Variants in HABP2 observed in about 807,000 individuals in gnomAD.
The protein encoded by HABP2 is factor VII-activating protease.
A neutral mutation model predicts 66.5 loss-of-function variants in HABP2; 65 were observed. That is an observed-to-expected ratio of 0.98 (90% CI 0.80 to 1.20). The LOEUF is 1.20. Ranked by LOEUF, HABP2 falls within the 50% of genes most tolerant of loss-of-function variation. The probability of loss-of-function intolerance (pLI) is 0.00; values close to 1 mark genes in which losing one functional copy is unlikely to be tolerated. For missense variants in HABP2, 786 were observed against 691.0 expected, an observed-to-expected ratio of 1.14 and a Z score of -1.54; for synonymous variants, 263 against 253.9, an observed-to-expected ratio of 1.04 and a Z score of -0.34.
At chr10:113,587,829 C>A (rs558852870) in intron 12 of HABP2, among the ~76,000 whole-genome samples, 14 of 152,190 alleles carry the variant, frequency 9.2e-5, no homozygotes, top group Admixed American at 5.9e-4. Flanking sequence ...CCCAGGAGAT[C>A]TAACCCCATA....
intron 10 of HABP2, among the ~76,000 whole-genome samples, chr10:113,583,756 C>T (rs1564680953): frequency 6.6e-6 from 1 of 152,204 alleles, no homozygotes; most frequent in Non-Finnish European, 1.5e-5. Context: ...TGCCTGGCCC[C>T]TAGCCCCTGG....
rs917791762 is a variant in HABP2 at position 113,571,203 on chromosome 10, C to T, written c.107-3086C>T. 2.6e-5 allele frequency among the ~76,000 whole-genome samples: 4 copies of T among 152,204 alleles called. No homozygotes were observed. In the South Asian group the frequency reaches 6.2e-4, roughly 24 times the overall value. ...GCTGGGCAGTTCTTCTGGGCTGCAT[C>T]GGGCTCAGTTGATCTTGACTGGGCT... On this transcript the variant is annotated intron_variant, in intron 2 of 12. Coordinates refer to ENST00000351270, the MANE Select transcript of HABP2 (RefSeq NM_004132.5).
In HABP2 at chr10:113,589,076, C is replaced by G. The variant is rs150551078; in HGVS notation, c.*707C>G. The G allele has an allele frequency of 2.1e-5, 34 of 1,613,578 alleles. No homozygotes were observed. The highest frequency in any genetic ancestry group is 1.3e-4 in the South Asian group (12 of 91,026). On this transcript the variant is annotated 3_prime_UTR_variant, in exon 13 of 13. Transcript: ENST00000351270. ...TCTCCAGCCTCCACTGCTTCTGCCC[C>G]CCGCTGCTGAAATCAAACATACCCC...
chr10:113,562,705 A>G (rs1337379985), intron 1 of HABP2, among the ~76,000 whole-genome samples: 5 of 152,312 alleles, frequency 3.3e-5, no homozygotes, highest in East Asian at 1.9e-4. Context: ...TCGGCCTCCC[A>G]AAGTGTTGGG....
chr10:113,580,112 A>G (rs1313224620), intron 7 of HABP2, among the ~76,000 whole-genome samples: 1 of 133,296 alleles, frequency 7.5e-6, no homozygotes, highest in East Asian at 2.5e-4. Context: ...AAACACTAGT[A>G]CTTTCCACTT....
intron 4 of HABP2, 59 bp from the exon 5 acceptor site, chr10:113,577,091 T>C: frequency 1.1e-6 from 1 of 917,748 alleles, no homozygotes; most frequent in African/African-American, 1.6e-5. Flanking sequence ...GTTTTATACA[T>C]GTATCCCTCT....
Position 113,588,203 on chromosome 10 carries a change from A to T in HABP2, c.1519-2A>T. 6.2e-7 allele frequency: 1 copy of T among 1,600,272 alleles called. No homozygotes were observed. The highest frequency in any genetic ancestry group is 1.3e-5 in the African/African-American group (1 of 74,500). On this transcript the variant is annotated splice_acceptor_variant, in intron 12 of 12. Transcript: ENST00000351270. LOFTEE classifies it high-confidence loss of function. ...ATGAGCTTATGCCTCTGTTTCCCTT[A>T]GGGTGACTCTGGAGGCCCCCTGACC...
chr10:113,583,742 G>A (rs1306069096), intron 10 of HABP2, among the ~76,000 whole-genome samples: 2 of 152,140 alleles, frequency 1.3e-5, no homozygotes, highest in African/African-American at 2.4e-5. Flanking sequence ...TGTGCTTGCA[G>A]GCATGCCTGG....
At position 113,588,183 on chromosome 10, in the gene HABP2, C is replaced by G. The variant is rs368366340; in HGVS notation, c.1519-22C>G. The stretch of plus-strand genomic sequence containing the variant: ...GATGTCTCTGGTTCACGAGGATGAG[C>G]TTATGCCTCTGTTTCCCTTAGGGTG... On this transcript the variant is annotated intron_variant, in intron 12 of 12. Coordinates refer to ENST00000351270, the MANE Select transcript of HABP2 (RefSeq NM_004132.5). The G allele has an allele frequency of 2.5e-6, 4 of 1,580,312 alleles. No homozygotes were observed. The African/African-American group carries it at 5.4e-5, about 21-fold the overall frequency.
In HABP2 at chr10:113,582,104, G is replaced by C. The variant is rs1156718694; in HGVS notation, c.1067G>C (p.Trp356Ser). The C allele has an allele frequency of 6.2e-7, 1 of 1,609,166 alleles. No homozygotes were observed. Among genetic ancestry groups the C allele is most frequent in the Non-Finnish European group, 8.5e-7 (1 of 1,179,804 alleles). The change falls in exon 9 of 13, where the codon TGG (tryptophan) becomes TCG (serine). Residue 356 changes from tryptophan to serine, a missense_variant. Transcript: ENST00000351270. The stretch of plus-strand genomic sequence containing the variant: ...GGTGGGGCGCTGATCCACCCCTGCT[G>C]GGTGCTCACTGCTGCCCACTGCACC... ...FCGGALIHPC[W>S]VLTAAHCTDI...
intron 1 of HABP2, among the ~76,000 whole-genome samples, chr10:113,563,733 G>A (rs945228459): frequency 1.3e-5 from 2 of 152,190 alleles, no homozygotes. Context: ...AGGTCCTGGA[G>A]GGCCCTTCCT....
chr10:113,572,646 C>T (rs1426774398), intron 2 of HABP2: 5 of 439,938 alleles, frequency 1.1e-5, no homozygotes, highest in Non-Finnish European at 2.3e-5. Context: ...TCTTTCTCTG[C>T]TTTATCACGC....
chr10:113,553,407 G>A (rs937465969), intron 1 of HABP2, among the ~76,000 whole-genome samples: 4 of 152,236 alleles, frequency 2.6e-5, no homozygotes, highest in African/African-American at 9.6e-5. Context: ...ATCTTGGAGC[G>A]GAGCCTCCAT....
At position 113,581,964 on chromosome 10, in the gene HABP2, G is replaced by A. The variant is rs751433541; in HGVS notation, c.927G>A (p.Arg309=). The change falls in exon 9 of 13, where the codon AGG becomes AGA. Residue 309 remains arginine (R), a synonymous_variant. Transcript: ENST00000351270. Reference sequence around the variant, plus strand: ...GTGGAAAGACTGAGATAGCAGAGAGGAAGATCAAGAGAATCTATGGAGGCT... The same window carrying A: ...GTGGAAAGACTGAGATAGCAGAGAGAAAGATCAAGAGAATCTATGGAGGCT... ...DSCGKTEIAE[R]KIKRIYGGFK... 33 of 1,614,092 alleles carry A rather than the reference G, an allele frequency of 2.0e-5. No homozygotes were observed. Among genetic ancestry groups the A allele is most frequent in the Non-Finnish European group, 2.7e-5 (32 of 1,180,018 alleles).
rs1845576494 is a variant in HABP2 at position 113,583,369 on chromosome 10, C to T, written c.1237+11C>T. On this transcript the variant is annotated intron_variant, in intron 10 of 12. Coordinates refer to ENST00000351270, the MANE Select transcript of HABP2 (RefSeq NM_004132.5). ...CCCACAATGATATTGGCAAGTTCCT[C>T]TTTCATGGCTTTCCTGAGGGTCTTG... 1.9e-6 allele frequency: 3 copies of T among 1,610,730 alleles called. No homozygotes were observed. Among genetic ancestry groups the T allele is most frequent in the African/African-American group, 1.3e-5 (1 of 74,876 alleles).
Position 113,588,469 on chromosome 10 carries a change from A to T in HABP2, c.*100A>T. 1 of 816,766 alleles carries T rather than the reference A, an allele frequency of 1.2e-6. No homozygotes were observed. Among genetic ancestry groups the T allele is most frequent in the Non-Finnish European group, 1.9e-6 (1 of 523,696 alleles). 50.6% of individuals were successfully genotyped at this position (816,766 alleles called of 1,614,324 possible). A position where few individuals can be genotyped will look rare whatever the true frequency, so the allele number is the denominator to read the frequency against. On this transcript the variant is annotated 3_prime_UTR_variant, in exon 13 of 13. Coordinates refer to ENST00000351270, the MANE Select transcript of HABP2 (RefSeq NM_004132.5). ...ACACCTCCAGAGCCTCCAGGGGACC[A>T]CACAGTAGACTATCCCTACTCTAAG...
chr10:113,580,770 C>G (rs886093333), intron 8 of HABP2, 78 bp downstream of exon 8: 9 of 744,370 alleles, frequency 1.2e-5, no homozygotes, highest in Non-Finnish European at 2.2e-5. Context: ...GGCACCTGGT[C>G]CCTCCCTCAC....
chr10:113,551,386 TG>T (rs1844894800), upstream of HABP2, among the ~76,000 whole-genome samples: 1 of 152,210 alleles, frequency 6.6e-6, no homozygotes, highest in African/African-American at 2.4e-5. Context: ...AGATGAAAGA[TG>T]CATTAACTAG....
At chr10:113,563,194 A>G (rs977356601) in intron 1 of HABP2, among the ~76,000 whole-genome samples, 13 of 152,124 alleles carry the variant, frequency 8.5e-5, no homozygotes, top group African/African-American at 3.1e-4. Context: ...TCTTCCATCG[A>G]TCTTTCTCTT....
Sources: gnomAD v4.1 joint callset for allele counts (sites outside exome capture counted in the v4.1 genomes callset) on GRCh38, gnomAD v4.1.1 for gene constraint, MANE v1.5 for transcripts, NCBI Gene and HGNC (gene_info 2026-07-23, HGNC 2026-07-21) for gene names.